The following FANCM variants were observed in gnomAD, a reference collection of about 807,000 sequenced individuals.
FANCM encodes Fanconi anemia group M protein.
Under a neutral mutation model 199.5 loss-of-function variants are expected in FANCM, and 140 were observed. The observed-to-expected ratio is 0.70, with a 90% CI of 0.61 to 0.81. The LOEUF (loss-of-function observed/expected upper bound fraction) is 0.81. Ranked by LOEUF, FANCM falls within the 30% of genes least tolerant of loss-of-function variation. FANCM has a pLI of 0.00. For missense variants in FANCM, 2,410 were observed against 2,421.4 expected (o/e 1.00, Z 0.10); for synonymous variants, 840 against 836.8 (o/e 1.00, Z -0.07).
rs576439897 is a variant in FANCM, at chr14:45,135,930, C to G, written c.-102C>G. On this transcript the variant is annotated 5_prime_UTR_variant, in exon 1 of 23. Transcript: ENST00000267430. ...CTGGCCTTAGTCCCGCCTTCTCGTT[C>G]CAGAGTTTTGTGCGAAGGAAACCGA... 153 of 1,301,634 alleles carry G rather than the reference C, an allele frequency of 1.2e-4. No individual in the cohort carries two copies. In the African/African-American group the frequency reaches 1.9e-3, roughly 16 times the overall value. The allele number at this position is 1,301,634 out of a possible 1,614,324, so 80.6% of individuals were successfully genotyped here. A position where few individuals can be genotyped will look rare whatever the true frequency, so the allele number is the denominator to read the frequency against.
intron 8 of FANCM, among the ~76,000 whole-genome samples, chr14:45,156,588 T>A (rs976731229): frequency 6.6e-6 from 1 of 152,080 alleles, no homozygotes; most frequent in African/African-American, 2.4e-5. Flanking sequence ...GCCAACTTAT[T>A]TATTGTATTT....
chr14:45,153,446 G>A (rs1354435158), intron 5 of FANCM, among the ~76,000 whole-genome samples: 1 of 152,176 alleles, frequency 6.6e-6, no homozygotes, highest in Non-Finnish European at 1.5e-5. Context: ...AAAACAGTCT[G>A]ATTAAATATT....
chr14:45,137,251 T>C lies in FANCM; in HGVS notation c.681+10T>C. The C allele has an allele frequency of 1.2e-6, 2 of 1,608,416 alleles. No homozygotes were observed. Among genetic ancestry groups the C allele is most frequent in the Non-Finnish European group, 1.7e-6 (2 of 1,178,536 alleles). ...CTATGCTTATTGCCAGGTAATAATT[T>C]TGTTAAACGGTATTTTGTATTGTAA... On this transcript the variant is annotated intron_variant, in intron 2 of 22. Coordinates refer to ENST00000267430, the MANE Select transcript of FANCM (RefSeq NM_020937.4).
chr14:45,141,042 A>C (rs552757116), intron 3 of FANCM, among the ~76,000 whole-genome samples: 1 of 152,214 alleles, frequency 6.6e-6, no homozygotes, highest in African/African-American at 2.4e-5. Flanking sequence ...TAATCCCAGC[A>C]CTCTGGGAGG....
chr14:45,194,226 C>T (rs563248299), intron 20 of FANCM, among the ~76,000 whole-genome samples: 150 of 150,958 alleles, frequency 9.9e-4, no homozygotes, highest in African/African-American at 3.3e-3. Flanking sequence ...GGCTTGAACC[C>T]GGTAGGCAGA....
At position 45,198,944 on chromosome 14, in the gene FANCM, G is replaced by A. The variant is rs2139329468; in HGVS notation, c.6008+9G>A. 6.3e-7 allele frequency: 1 copy of A among 1,589,332 alleles called. No homozygotes were observed. ...AAAAGGATGGCTAACAGGTATGTCT[G>A]TTGTAATATTTTTAAATGATTACTT... is the stretch of plus-strand genomic sequence containing the variant. On this transcript the variant is annotated intron_variant, in intron 22 of 22. Coordinates refer to ENST00000267430, the MANE Select transcript of FANCM (RefSeq NM_020937.4).
intron 13 of FANCM, among the ~76,000 whole-genome samples, chr14:45,174,062 G>T (rs976172636): frequency 2.0e-5 from 3 of 152,034 alleles, no homozygotes; most frequent in African/African-American, 7.2e-5. Context: ...ACAGACATTT[G>T]CTCACATTAA....
chr14:45,165,523 G>T (rs1242958799), intron 10 of FANCM, among the ~76,000 whole-genome samples: 2 of 152,060 alleles, frequency 1.3e-5, no homozygotes, highest in Non-Finnish European at 2.9e-5. Flanking sequence ...ACTCCAGCCT[G>T]GGTAACAGAG....
chr14:45,179,912 A>G (rs1888961080), intron 14 of FANCM, among the ~76,000 whole-genome samples: 1 of 152,020 alleles, frequency 6.6e-6, no homozygotes, highest in African/African-American at 2.4e-5. Context: ...CTGGTACTAC[A>G]TTAAAGGATT....
chr14:45,185,408 A>T (rs746901093), intron 18 of FANCM, 35 bp downstream of exon 18: 4 of 1,218,368 alleles, frequency 3.3e-6, no homozygotes, highest in East Asian at 4.8e-5. Context: ...ATTTTTTTCA[A>T]TGTTTTTATG....
intron 11 of FANCM, chr14:45,167,387 C>T (rs1888060828): frequency 3.9e-6 from 2 of 511,510 alleles, no homozygotes; most frequent in South Asian, 2.4e-5. Context: ...ATTAAACATA[C>T]CCTACCAACC....
At position 45,189,178 on chromosome 14, in the gene FANCM, G is replaced by T. The variant is rs760421586; in HGVS notation, c.5156G>T (p.Arg1719Leu). Residue 1719 changes from arginine to leucine, a missense_variant, in exon 20 of 23, where the codon CGT (arginine) becomes CTT (leucine). By Grantham distance (102) the Arg-to-Leu change is moderately radical (BLOSUM62 -2). Coordinates refer to ENST00000267430, the MANE Select transcript of FANCM (RefSeq NM_020937.4). ...PSGSSAQSKV[R>L]STPRVNPLAK... Reference sequence around the variant, plus strand: ...GGATCTTCTGCGCAGTCCAAGGTGCGTTCTACTCCAAGAGTTAATCCATTA... The same window carrying T: ...GGATCTTCTGCGCAGTCCAAGGTGCTTTCTACTCCAAGAGTTAATCCATTA... 2.5e-6 allele frequency: 4 copies of T among 1,614,140 alleles called. No individual in the cohort carries two copies. The highest frequency in any genetic ancestry group is 3.4e-6 in the Non-Finnish European group (4 of 1,180,022).
In FANCM at chr14:45,200,098, AAG is replaced by A. The variant is rs878910058; in HGVS notation, c.*94_*95del. On this transcript the variant is annotated 3_prime_UTR_variant, in exon 23 of 23. Transcript: ENST00000267430. ...TGCTGTTTTATGTTTATTTGTAAATAAGAGAATATTTTATTTAAATATTTTAT... is the reference window on the plus strand; with the variant it reads ...TGCTGTTTTATGTTTATTTGTAAATAAGAATATTTTATTTAAATATTTTAT... The A allele has an allele frequency of 6.7e-5, 45 of 667,826 alleles. No individual in the cohort carries two copies. The South Asian group carries it at 8.4e-4, about 12-fold the overall frequency. 41.4% of individuals were successfully genotyped at this position (667,826 alleles called of 1,614,324 possible). A position where few individuals can be genotyped will look rare whatever the true frequency, so the allele number is the denominator to read the frequency against.
intron 5 of FANCM, 137 bp downstream of exon 5, chr14:45,151,665 C>T: frequency 1.3e-6 from 1 of 792,602 alleles, no homozygotes; most frequent in East Asian, 2.8e-5. Flanking sequence ...TGGCTGATGC[C>T]TGTAATCCTA....
chr14:45,150,891 G>C (rs1886772223), intron 4 of FANCM, among the ~76,000 whole-genome samples: 1 of 152,162 alleles, frequency 6.6e-6, no homozygotes, highest in African/African-American at 2.4e-5. Flanking sequence ...ATTTAGAACA[G>C]TGCCTGTTAC....
chr14:45,143,289 C>T (rs377226570), intron 3 of FANCM, among the ~76,000 whole-genome samples: 1 of 151,900 alleles, frequency 6.6e-6, no homozygotes, highest in Admixed American at 6.6e-5. Flanking sequence ...ACGTCAGCCT[C>T]CTGAGGAGCT....
chr14:45,158,593 A>G (rs1887360335), intron 8 of FANCM, among the ~76,000 whole-genome samples: 1 of 152,264 alleles, frequency 6.6e-6, no homozygotes, highest in Middle Eastern at 3.4e-3. Flanking sequence ...AAGGAAAGGG[A>G]AGACTTATGA....
At chr14:45,189,494 C>A in intron 20 of FANCM, 132 bp downstream of exon 20, 1 of 693,962 alleles carries the variant, frequency 1.4e-6, no homozygotes, top group Non-Finnish European at 2.5e-6. Flanking sequence ...CAGAAAATGT[C>A]TTCAAACAAG....
chr14:45,161,706 G>T (rs1887619952), intron 9 of FANCM, among the ~76,000 whole-genome samples: 1 of 152,086 alleles, frequency 6.6e-6, no homozygotes, highest in Admixed American at 6.6e-5. Flanking sequence ...TGAGCCCAGA[G>T]GTCGAAGCTC....
Sources: allele counts gnomAD v4.1 joint callset (sites outside exome capture counted in the v4.1 genomes callset), GRCh38; gene constraint gnomAD v4.1.1; transcripts MANE v1.5; gene names NCBI Gene and HGNC (gene_info 2026-07-23, HGNC 2026-07-21).